Variants in ADAM29 observed in about 807,000 individuals in gnomAD.
ADAM29 encodes disintegrin and metalloproteinase domain-containing protein 29.
For synonymous variants in ADAM29, 367 were observed against 342.3 expected, an observed-to-expected ratio of 1.07 and a Z score of -0.80; for missense variants, 969 against 1,001.8, an observed-to-expected ratio of 0.97 and a Z score of 0.44.
intron 4 of ADAM29, among the ~76,000 whole-genome samples, chr4:174,963,783 A>G (rs200488540): frequency 8.6e-5 from 12 of 140,278 alleles, no homozygotes; most frequent in South Asian, 2.3e-4. Flanking sequence ...CCTGGGTTCA[A>G]GCGATTCTCC....
intron 4 of ADAM29, among the ~76,000 whole-genome samples, chr4:174,968,637 T>C (rs1746285166): frequency 6.6e-6 from 1 of 152,202 alleles, no homozygotes; most frequent in Non-Finnish European, 1.5e-5. Flanking sequence ...TGCAGCACAT[T>C]CTGACTATCC....
chr4:174,954,519 G>A (rs969472809), intron 4 of ADAM29, among the ~76,000 whole-genome samples: 6 of 152,056 alleles, frequency 3.9e-5, no homozygotes, highest in African/African-American at 1.4e-4. Flanking sequence ...TTATCCATAA[G>A]CCAGAAACAT....
chr4:174,977,349 T>C lies in ADAM29; in HGVS notation c.1824T>C (p.His608=), dbSNP rs1746900744. Residue 608 remains histidine (H), a synonymous_variant, in exon 5 of 5, where the codon CAT becomes CAC. Coordinates refer to ENST00000359240, the MANE Select transcript of ADAM29 (RefSeq NM_014269.4). ...VKDGTECGID[H]ICIHRHCVHI... is the part of the protein sequence containing the mutation. ...ATGGAACAGAGTGTGGGATAGATCATATATGCATCCACAGGCACTGTGTCC... is the reference window on the plus strand; with the variant it reads ...ATGGAACAGAGTGTGGGATAGATCACATATGCATCCACAGGCACTGTGTCC... 6.2e-7 allele frequency: 1 copy of C among 1,613,624 alleles called. No homozygotes were observed. Among genetic ancestry groups the C allele is most frequent in the East Asian group, 2.2e-5 (1 of 44,858 alleles).
At position 174,920,755 on chromosome 4, in the gene ADAM29, G is replaced by C. The variant is rs1168732314; in HGVS notation, c.-488G>C. 6.6e-6 allele frequency: 1 copy of C among 152,128 alleles called. No homozygotes were observed. The highest frequency in any genetic ancestry group is 1.5e-5 in the Non-Finnish European group (1 of 68,004). The allele number at this position is 152,128 out of a possible 1,614,324, so 9.4% of individuals were successfully genotyped here. A position where few individuals can be genotyped will look rare whatever the true frequency, so the allele number is the denominator to read the frequency against. ...ATAGAAATGTTTTGGGATGGTTCAT[G>C]ATTTCGAAAAGCTTCAGAGAAAATA... is the stretch of plus-strand genomic sequence containing the variant. On this transcript the variant is annotated 5_prime_UTR_variant, in exon 2 of 5. An upstream start codon of the reference 5' UTR is lost. Coordinates refer to ENST00000359240, the MANE Select transcript of ADAM29 (RefSeq NM_014269.4).
At chr4:174,947,370 T>C (rs1037695092) in intron 4 of ADAM29, among the ~76,000 whole-genome samples, 1 of 152,136 alleles carries the variant, frequency 6.6e-6, no homozygotes, top group Non-Finnish European at 1.5e-5. Flanking sequence ...AACTTTTAGG[T>C]GTGGGCATCT....
intron 2 of ADAM29, 32 bp from the exon 3 acceptor site, chr4:174,930,954 C>A (rs1158580883): frequency 6.6e-6 from 1 of 151,646 alleles, no homozygotes; most frequent in East Asian, 1.9e-4. Flanking sequence ...TAATATTCTT[C>A]AGCAGTTCAC....
At chr4:174,940,283 CT>C (rs1181079485) in intron 4 of ADAM29, among the ~76,000 whole-genome samples, 1 of 152,022 alleles carries the variant, frequency 6.6e-6, no homozygotes, top group African/African-American at 2.4e-5. Context: ...TACTTTTAGA[CT>C]TGGTATCATT....
At chr4:174,959,666 A>T (rs546078811) in intron 4 of ADAM29, among the ~76,000 whole-genome samples, 1 of 151,650 alleles carries the variant, frequency 6.6e-6, no homozygotes, top group Non-Finnish European at 1.5e-5. Flanking sequence ...GTTCCTGAAT[A>T]TTTTGTTTTT....
At chr4:174,940,677 T>A (rs1218251560) in intron 4 of ADAM29, among the ~76,000 whole-genome samples, 1 of 152,150 alleles carries the variant, frequency 6.6e-6, no homozygotes, top group Non-Finnish European at 1.5e-5. Context: ...TTAATAGACA[T>A]CACTTCACAT....
intron 4 of ADAM29, among the ~76,000 whole-genome samples, chr4:174,971,179 A>G (rs1008743259): frequency 3.3e-5 from 5 of 152,202 alleles, no homozygotes; most frequent in African/African-American, 1.2e-4. Flanking sequence ...TGAAAACATC[A>G]TGTTGCATAC....
chr4:174,955,349 G>T (rs901772951), intron 4 of ADAM29, among the ~76,000 whole-genome samples: 3 of 151,650 alleles, frequency 2.0e-5, no homozygotes, highest in Non-Finnish European at 4.4e-5. Flanking sequence ...AGAAGAAGAA[G>T]ACATGAATTA....
intron 2 of ADAM29, among the ~76,000 whole-genome samples, chr4:174,923,587 A>T (rs549440694): frequency 2.0e-5 from 3 of 147,612 alleles, no homozygotes; most frequent in Non-Finnish European, 4.5e-5. Flanking sequence ...ATCTTTAAAA[A>T]ATATTTTCCA....
At position 174,976,530 on chromosome 4, in the gene ADAM29, T is replaced by G. The variant is rs745514808; in HGVS notation, c.1005T>G (p.Gly335=). 1.9e-6 allele frequency: 3 copies of G among 1,607,374 alleles called. No individual in the cohort carries two copies. The Admixed American group carries it at 5.1e-5, about 27-fold the overall frequency. The change falls in exon 5 of 5, where the codon GGT becomes GGG. Residue 335 remains glycine (G), a synonymous_variant. Transcript: ENST00000359240. ...TFSIAVAHHL[G]HNLGMNHDED... ...CAATTGCAGTGGCTCATCATCTAGG[T>G]CATAATTTGGGCATGAACCATGATG...
intron 1 of ADAM29, chr4:174,918,854 T>C (rs1743017155): frequency 6.6e-6 from 1 of 152,216 alleles, no homozygotes; most frequent in Non-Finnish European, 1.5e-5. Context: ...AGTAACAAAT[T>C]CAAATATTAT....
chr4:174,944,731 T>C (rs1204873788), intron 4 of ADAM29, among the ~76,000 whole-genome samples: 1 of 152,194 alleles, frequency 6.6e-6, no homozygotes, highest in Admixed American at 6.5e-5. Context: ...ATCCTTTGTG[T>C]CCATGTGTAC....
Position 174,977,072 on chromosome 4 carries a change from C to T in ADAM29, c.1547C>T (p.Ala516Val). 1.2e-6 allele frequency: 2 copies of T among 1,613,994 alleles called. No homozygotes were observed. Among genetic ancestry groups the T allele is most frequent in the South Asian group, 1.1e-5 (1 of 91,040 alleles). ...ATTTTTGGTGCAGGCGCAAATACTG[C>T]AAGTGAGACTTGCTACAAAGAATTG... ...RRIFGAGANT[A>V]SETCYKELNT... Residue 516 changes from alanine to valine, a missense_variant, in exon 5 of 5, where the codon GCA becomes GTA. By Grantham distance (64) the Ala-to-Val change is moderately conservative. Coordinates refer to ENST00000359240, the MANE Select transcript of ADAM29 (RefSeq NM_014269.4).
intron 4 of ADAM29, among the ~76,000 whole-genome samples, chr4:174,944,799 G>A (rs1482356136): frequency 1.3e-5 from 2 of 152,156 alleles, no homozygotes; most frequent in Non-Finnish European, 2.9e-5. Context: ...TTCTGTTTCT[G>A]TGTTAGTTTG....
intron 4 of ADAM29, among the ~76,000 whole-genome samples, chr4:174,961,482 T>A (rs1210631523): frequency 1.3e-5 from 2 of 152,028 alleles, no homozygotes; most frequent in East Asian, 3.9e-4. Context: ...GACTATCTTG[T>A]GATTCTAATG....
In ADAM29 at chr4:174,977,582, TTTTG is replaced by T. The variant is rs1482153635; in HGVS notation, c.2061_2064del (p.Ile689TyrfsTer15). 6 of 1,613,480 alleles carry T rather than the reference TTTTG, an allele frequency of 3.7e-6. No homozygotes were observed. The highest frequency in any genetic ancestry group is 2.7e-5 in the African/African-American group (2 of 74,884). On this transcript the variant is annotated frameshift_variant, in exon 5 of 5. Coordinates refer to ENST00000359240, the MANE Select transcript of ADAM29 (RefSeq NM_014269.4). LOFTEE classifies it low-confidence loss of function (END_TRUNC). ...TATCTGTGTATATTGTTGCTTATTG[TTTTG>T]TTTATTTTATTATGTTGTCTTTATC...
Sources: allele counts gnomAD v4.1 joint callset (sites outside exome capture counted in the v4.1 genomes callset), GRCh38; gene constraint gnomAD v4.1.1; transcripts MANE v1.5; gene names NCBI Gene and HGNC (gene_info 2026-07-23, HGNC 2026-07-21).